ABCA2: variants seen among roughly 807,000 people sequenced by gnomAD.
ABCA2 encodes the protein ATP-binding cassette sub-family A member 2.
A neutral mutation model predicts 262.8 loss-of-function variants in ABCA2; 84 were observed. That is an observed-to-expected ratio of 0.32 (90% CI 0.27 to 0.38). ABCA2 has a LOEUF of 0.38. Among genes scored for constraint, ABCA2 ranks in the 10% least tolerant of loss-of-function variants. The pLI is 1.00. For missense variants in ABCA2, 2,662 were observed against 3,405.9 expected (o/e 0.78, Z 5.44); for synonymous variants, 1,696 against 1,502.9 (o/e 1.13, Z -2.97).
chr9:137,021,204 C>T lies in ABCA2; in HGVS notation c.898-143G>A. 7.4e-7 allele frequency: 1 copy of T among 1,346,754 alleles called. No homozygotes were observed. 83.4% of individuals were successfully genotyped at this position (1,346,754 alleles called of 1,614,324 possible). ...GAGTCTGCAGCCTGGGTAACGGGAG[C>T]CCAGGACAGGAGCTGGGATGGTGAG... On this transcript the variant is annotated intron_variant, in intron 8 of 48. Coordinates refer to ENST00000341511, the MANE Select transcript of ABCA2 (RefSeq NM_001606.5). This position sits in a 1 kb window ranked among gnomAD's most constrained non-coding sequence, Gnocchi z 6.0.
At position 137,013,036 on chromosome 9, in the gene ABCA2, G is replaced by C; in HGVS notation, c.4833C>G (p.Ala1611=). 6.5e-7 allele frequency: 1 copy of C among 1,531,374 alleles called. No homozygotes were observed. The highest frequency in any genetic ancestry group is 8.8e-7 in the Non-Finnish European group (1 of 1,139,484). 94.9% of individuals were successfully genotyped at this position (1,531,374 alleles called of 1,614,324 possible). The stretch of plus-strand genomic sequence containing the variant: ...CGGTGGGCGGCAGGGAGACGTTCCA[G>C]GCCTGCAGGTCCTCATCCGGGGACG... The part of the protein sequence containing the change: ...SPASPDEDLQ[A]WNVSLPPTAG... The change falls in exon 30 of 49, where the codon GCC becomes GCG. Residue 1611 remains alanine, a synonymous_variant. Transcript: ENST00000341511.
chr9:137,016,378 A>C lies in ABCA2; in HGVS notation c.3017T>G (p.Leu1006Arg). 5.0e-6 allele frequency: 8 copies of C among 1,612,922 alleles called. No individual in the cohort carries two copies. The highest frequency in any genetic ancestry group is 6.8e-6 in the Non-Finnish European group (8 of 1,179,992). Residue 1006 changes from leucine to arginine, a missense_variant, in exon 21 of 49, where the codon CTG (leucine) becomes CGG (arginine). By Grantham distance (102) the Leu-to-Arg change is moderately radical. Transcript: ENST00000341511. ...LTKVYKDDKK[L>R]ALNKLSLNLY... is the part of the protein sequence containing the mutation. ...GTTCAGGCTCAGCTTGTTCAGGGCC[A>C]GCTTCTTGTCGTCCTTGTAGACCTT...
chr9:137,012,897 C>T lies in ABCA2; in HGVS notation c.4896G>A (p.Pro1632=), dbSNP rs777796382. ...AGCGGACGGGCTCCCGTACCAGGCG[C>T]GGCAGGGAGGGTGCCGACGTCCACA... ...PEMWTSAPSL[P]RLVREPVRCT... The change falls in exon 31 of 49, where the codon CCG becomes CCA. Residue 1632 remains proline, a synonymous_variant. Coordinates refer to ENST00000341511, the MANE Select transcript of ABCA2 (RefSeq NM_001606.5). The T allele has an allele frequency of 2.2e-5, 34 of 1,555,666 alleles. No homozygotes were observed. The highest frequency in any genetic ancestry group is 1.4e-4 in the South Asian group (12 of 85,496).
chr9:137,011,190 C>T lies in ABCA2; in HGVS notation c.5919G>A (p.Lys1973=). The change falls in exon 38 of 49, where the codon AAG becomes AAA. Residue 1973 remains lysine, a synonymous_variant. Coordinates refer to ENST00000341511, the MANE Select transcript of ABCA2 (RefSeq NM_001606.5). This position sits in a 1 kb window ranked among gnomAD's most constrained non-coding sequence, Gnocchi z 8.8. The part of the protein sequence containing the change: ...YNEYINEYYA[K]IGQFDKMKSP... ...CCGCCCCACGGGCCCCCTCACCAAT[C>T]TTGGCGTAGTACTCGTTGATGTACT... The T allele has an allele frequency of 6.2e-7, 1 of 1,612,560 alleles. No homozygotes were observed. The highest frequency in any genetic ancestry group is 8.5e-7 in the Non-Finnish European group (1 of 1,179,854).
rs1224303494 is a variant in ABCA2 at position 137,018,595 on chromosome 9, G to T, written c.1819+124C>A. ...AGGGGCAGGGGTGGGGAGGGGAAGT[G>T]GCGGGTGAGGGGGGAAGGCCAGGGC... On this transcript the variant is annotated intron_variant, in intron 13 of 48. Coordinates refer to ENST00000341511, the MANE Select transcript of ABCA2 (RefSeq NM_001606.5). 14 of 771,834 alleles carry T rather than the reference G, an allele frequency of 1.8e-5. No homozygotes were observed. In the South Asian group the frequency reaches 2.4e-4, roughly 13 times the overall value. 47.8% of individuals were successfully genotyped at this position (771,834 alleles called of 1,614,324 possible).
intron 4 of ABCA2, 28 bp downstream of exon 4, chr9:137,022,913 G>GGGGGGGGGGGT: frequency 1.3e-6 from 2 of 1,554,662 alleles, no homozygotes; most frequent in South Asian, 2.4e-5. Flanking sequence ...GGAGGGGTGG[G>GGGGGGGGGGGT]TGCTCCGAGG....
rs766725680 is a variant in ABCA2 at position 137,019,208 on chromosome 9, C to G, written c.1524G>C (p.Arg508Ser). The G allele has an allele frequency of 3.1e-6, 5 of 1,612,490 alleles. No individual in the cohort carries two copies. Among genetic ancestry groups the G allele is most frequent in the African/African-American group, 2.7e-5 (2 of 74,904 alleles). The change falls in exon 11 of 49, where the codon AGG (arginine) becomes AGC (serine). Residue 508 changes from arginine (R) to serine (S), a missense_variant. Arg to Ser is a moderately radical substitution (Grantham distance 110, BLOSUM62 -1). This residue lies in a region of ABCA2 where 187 missense variants were observed against 205.9 expected (regional missense o/e 0.91). Coordinates refer to ENST00000341511, the MANE Select transcript of ABCA2 (RefSeq NM_001606.5). This position sits in a 1 kb window ranked among gnomAD's most constrained non-coding sequence, Gnocchi z 4.4. ...AEIRSFLEQG[R>S]LQQHLRWLQQ... ...GCAGCCAGCGCAGGTGTTGCTGCAG[C>G]CTGCCCTGCTCCAGGAAGCTGCGGA...
chr9:137,014,501 C>T, intron 26 of ABCA2, 97 bp from the exon 27 acceptor site: 1 of 1,460,868 alleles, frequency 6.8e-7, no homozygotes, highest in Non-Finnish European at 9.2e-7. Context: ...TTCCCAGGCT[C>T]ATACACCTGT....
chr9:137,017,923 G>A, intron 15 of ABCA2, 22 bp from the exon 16 acceptor site: 1 of 1,612,198 alleles, frequency 6.2e-7, no homozygotes, highest in Non-Finnish European at 8.5e-7. Flanking sequence ...CCGCGCTCAG[G>A]CGCCACTCAG....
chr9:137,010,877 C>A (rs1182071620), intron 39 of ABCA2, 96 bp downstream of exon 39: 3 of 680,158 alleles, frequency 4.4e-6, no homozygotes, highest in Non-Finnish European at 7.2e-6. Context: ...CCCCCTCCTG[C>A]CCCATCCCTG....
chr9:137,010,667 G>A lies in ABCA2; in HGVS notation c.6127C>T (p.Arg2043Trp), dbSNP rs754774965. 12 of 1,445,460 alleles carry A rather than the reference G, an allele frequency of 8.3e-6. No homozygotes were observed. The highest frequency in any genetic ancestry group is 1.5e-5 in the African/African-American group (1 of 66,342). The allele number at this position is 1,445,460 out of a possible 1,614,324, so 89.5% of individuals were successfully genotyped here. A position where few individuals can be genotyped will look rare whatever the true frequency, so the allele number is the denominator to read the frequency against. ...DVASERQRVL[R>W]GDADNDMVKI... ...ACCATGTCATTGTCGGCGTCTCCCC[G>A]GAGCACTCGCTGCCGCTCACTGGCC... is the stretch of plus-strand genomic sequence containing the variant. Residue 2043 changes from arginine to tryptophan, a missense_variant, in exon 40 of 49, where the codon CGG becomes TGG. Arg to Trp is a moderately radical substitution (Grantham distance 101). Around this residue, in one of 12 missense-constraint regions of ABCA2, gnomAD observed 602 missense variants for 897.4 expected, o/e 0.67. Transcript: ENST00000341511.
In ABCA2 at chr9:137,015,680, T is replaced by C. The variant is rs755444509; in HGVS notation, c.3509A>G (p.Lys1170Arg). 6.2e-7 allele frequency: 1 copy of C among 1,609,232 alleles called. No homozygotes were observed. The highest frequency in any genetic ancestry group is 1.3e-5 in the African/African-American group (1 of 74,966). Residue 1170 changes from lysine (K) to arginine (R), a missense_variant, in exon 23 of 49, where the codon AAG (lysine) becomes AGG (arginine). Lys to Arg is a conservative substitution (Grantham distance 26, BLOSUM62 2). This residue lies in a region of ABCA2 where 180 missense variants were observed against 307.3 expected (regional missense o/e 0.59). Coordinates refer to ENST00000341511, the MANE Select transcript of ABCA2 (RefSeq NM_001606.5). ...RAIWDLILKYKPGRTILLSTH... is the reference protein window; with the variant it reads ...RAIWDLILKYRPGRTILLSTH... ...CCACACGGCACCCCACTCACCTGGCTTGTACTTCAGGATGAGGTCCCAGAT... is the reference window on the plus strand; with the variant it reads ...CCACACGGCACCCCACTCACCTGGCCTGTACTTCAGGATGAGGTCCCAGAT...
Position 137,018,094 on chromosome 9 carries a change from A to G in ABCA2, c.1994-19T>C. On this transcript the variant is annotated intron_variant, in intron 14 of 48. Transcript: ENST00000341511. ...ATCATGTCTGTGGGTGGGGGCAGCC[A>G]TCAGGTGCCGGGCAGGCCCTCTCGT... 1.2e-6 allele frequency: 2 copies of G among 1,611,368 alleles called. No individual in the cohort carries two copies. Among genetic ancestry groups the G allele is most frequent in the Non-Finnish European group, 1.7e-6 (2 of 1,179,384 alleles).
Position 137,016,696 on chromosome 9 carries a change from T to A in ABCA2, c.2801A>T (p.Lys934Met). The change falls in exon 20 of 49, where the codon AAG becomes ATG. Residue 934 changes from lysine (K) to methionine (M), a missense_variant. Physicochemically the swap from Lys to Met is moderately conservative, Grantham distance 95. Transcript: ENST00000341511. ...CCGCCCACTGCCCAGCCAGTAGGACTTCTGCAGTGGGAAGTACCAGGGCCG... is the reference window on the plus strand; with the variant it reads ...CCGCCCACTGCCCAGCCAGTAGGACATCTGCAGTGGGAAGTACCAGGGCCG... ...LPRPWYFPLQ[K>M]SYWLGSGRTE... 1 of 1,585,096 alleles carries A rather than the reference T, an allele frequency of 6.3e-7. No individual in the cohort carries two copies. Among genetic ancestry groups the A allele is most frequent in the Non-Finnish European group, 8.6e-7 (1 of 1,165,950 alleles).
At chr9:137,010,836 T>C (rs1450862043) in intron 39 of ABCA2, 99 bp from the exon 40 acceptor site, 1 of 1,438,588 alleles carries the variant, frequency 7.0e-7, no homozygotes, top group African/African-American at 1.5e-5. Context: ...GTAAGAAGGG[T>C]GGGCAGGCCC....
At position 137,020,472 on chromosome 9, in the gene ABCA2, C is replaced by A; in HGVS notation, c.1289G>T (p.Arg430Leu). 1 of 1,603,340 alleles carries A rather than the reference C, an allele frequency of 6.2e-7. No homozygotes were observed. Among genetic ancestry groups the A allele is most frequent in the South Asian group, 1.1e-5 (1 of 90,236 alleles). ...NNRTIEPEAL[R>L]RGNMSSLGFT... ...GCCCAGGGAGCTCATGTTGCCCCGC[C>A]GCAGCGCCTCGGGTTCAATGGTGCT... Residue 430 changes from arginine to leucine, a missense_variant, in exon 10 of 49, where the codon CGG (arginine) becomes CTG (leucine). Physicochemically the swap from Arg to Leu is moderately radical, Grantham distance 102. This residue lies in a region of ABCA2 where 92 missense variants were observed against 146.7 expected (regional missense o/e 0.63). Coordinates refer to ENST00000341511, the MANE Select transcript of ABCA2 (RefSeq NM_001606.5).
chr9:137,021,578 C>G lies in ABCA2; in HGVS notation c.711G>C (p.Gln237His). The G allele has an allele frequency of 6.4e-7, 1 of 1,568,662 alleles. No homozygotes were observed. Among genetic ancestry groups the G allele is most frequent in the Non-Finnish European group, 8.6e-7 (1 of 1,158,004 alleles). ...ELLLAPALLE[Q>H]LTCTPGSGEL... ...CCCCCGAGCCCGGCGTGCAGGTGAG[C>G]TGCTCCAGGAGGGCAGGAGCCAGCA... Residue 237 changes from glutamine (Q) to histidine (H), a missense_variant, in exon 8 of 49, where the codon CAG (glutamine) becomes CAC (histidine). Gln to His is a conservative substitution (Grantham distance 24, BLOSUM62 0). Coordinates refer to ENST00000341511, the MANE Select transcript of ABCA2 (RefSeq NM_001606.5). The surrounding 1 kb of genome is among the most constrained non-coding windows in gnomAD (Gnocchi z 6.0).
In ABCA2 at chr9:137,028,067, G is replaced by T. The variant is rs1190459980; in HGVS notation, c.66+8C>A. On this transcript the variant is annotated splice_region_variant and intron_variant, in intron 1 of 48. Transcript: ENST00000341511. The surrounding 1 kb of genome is among the most constrained non-coding windows in gnomAD (Gnocchi z 6.9). Reference sequence around the variant, plus strand: ...CGGGCTGAGGGCGGGCGCGTGGGGTGGGCTCACCGGGCTCCGGCGTTTGAG... The same window carrying T: ...CGGGCTGAGGGCGGGCGCGTGGGGTTGGCTCACCGGGCTCCGGCGTTTGAG... 1 of 985,210 alleles carries T rather than the reference G, an allele frequency of 1.0e-6. No individual in the cohort carries two copies. 61.0% of individuals were successfully genotyped at this position (985,210 alleles called of 1,614,324 possible). A position where few individuals can be genotyped will look rare whatever the true frequency, so the allele number is the denominator to read the frequency against.
chr9:137,015,905 T>C (rs1388872483), intron 22 of ABCA2, 34 bp from the exon 23 acceptor site: 5 of 1,607,750 alleles, frequency 3.1e-6, no homozygotes, highest in Non-Finnish European at 4.2e-6. Context: ...GGGCTGCTGC[T>C]ATGCAGAGCC....
Sources: gnomAD v4.1 joint callset for allele counts on GRCh38, gnomAD v4.1.1 for gene constraint, gnomAD v4.1.1 regional missense constraint, Gnocchi (gnomAD v3.1) non-coding constraint, MANE v1.5 for transcripts, NCBI Gene and HGNC (gene_info 2026-07-23, HGNC 2026-07-21) for gene names.